Variants in EYS observed in about 807,000 individuals in gnomAD.
EYS encodes protein eyes shut homolog.
In EYS, 250 loss-of-function variants were observed where a neutral mutation model predicts 282.1. The ratio of observed to expected loss-of-function variants is 0.89; its 90% CI spans 0.80 to 0.98. The LOEUF (loss-of-function observed/expected upper bound fraction) is 0.98. Ranked by LOEUF, EYS falls within the 50% of genes least tolerant of loss-of-function variation. EYS has a pLI of 0.00. For synonymous variants in EYS, 1,355 were observed against 1,282.9 expected (o/e 1.06, Z -1.20); for missense variants, 4,016 against 3,709.0 (o/e 1.08, Z -2.15).
At position 65,557,309 on chromosome 6, in the gene EYS, G is replaced by A. The variant is rs921892956; in HGVS notation, c.-332-61316C>T. On this transcript the variant is annotated intron_variant, in intron 2 of 42. Transcript: ENST00000503581. ...CCAGGTGCAGAGTGGTGAGGAGTGT[G>A]TGCGTGAAAGAGTGCAGGGTCCAGC... 4.6e-5 allele frequency among the ~76,000 whole-genome samples: 7 copies of A among 152,314 alleles called. No individual in the cohort carries two copies. The East Asian group carries it at 7.7e-4, about 17-fold the overall frequency.
intron 2 of EYS, among the ~76,000 whole-genome samples, chr6:65,628,714 G>A (rs980793502): frequency 6.6e-6 from 1 of 151,352 alleles, no homozygotes; most frequent in Non-Finnish European, 1.5e-5. Context: ...GCAAGACCAC[G>A]AACCCACCAG....
At chr6:64,825,919 AT>A (rs1353314468) in intron 19 of EYS, among the ~76,000 whole-genome samples, 22 of 151,714 alleles carry the variant, frequency 1.5e-4, no homozygotes, top group African/African-American at 5.1e-4. Context: ...ATATATATAT[AT>A]ATAAATACAT....
chr6:65,397,234 TTTTG>T (rs1213608361), intron 7 of EYS, among the ~76,000 whole-genome samples: 1 of 151,910 alleles, frequency 6.6e-6, no homozygotes, highest in African/African-American at 2.4e-5. Flanking sequence ...AAGTGCAGTT[TTTTG>T]TTTGTTTGCT....
intron 5 of EYS, among the ~76,000 whole-genome samples, chr6:65,472,534 T>A (rs539042236): frequency 6.6e-6 from 1 of 152,030 alleles, no homozygotes; most frequent in African/African-American, 2.4e-5. Context: ...CCTGAACAAC[T>A]CTTCATTATG....
chr6:64,169,696 A>G (rs894803285), intron 31 of EYS, among the ~76,000 whole-genome samples: 2 of 151,988 alleles, frequency 1.3e-5, no homozygotes, highest in Admixed American at 1.3e-4. Flanking sequence ...CCTCTTTCTC[A>G]TGTCCTGCTT....
At chr6:65,101,206 G>A (rs1264329780) in intron 12 of EYS, among the ~76,000 whole-genome samples, 3 of 151,114 alleles carry the variant, frequency 2.0e-5, no homozygotes, top group African/African-American at 7.3e-5. Flanking sequence ...AACCGTTCAA[G>A]TAAGCCTTAG....
At chr6:63,753,095 C>G (rs1769380131) in intron 41 of EYS, among the ~76,000 whole-genome samples, 1 of 145,352 alleles carries the variant, frequency 6.9e-6, no homozygotes, top group Non-Finnish European at 1.5e-5. Flanking sequence ...CTTTTTCTGT[C>G]AGTATCTTGG....
Position 65,700,126 on chromosome 6 carries a change from A to C in EYS, c.-448+7009T>G. On this transcript the variant is annotated intron_variant, in intron 1 of 42. Coordinates refer to ENST00000503581, the MANE Select transcript of EYS (RefSeq NM_001142800.2). ...CGAGACTCCGTCTCAAAAAAAAAAA[A>C]AAAAAAAAAAAAACTATATTAAAAC... Among the ~76,000 whole-genome samples, 2 of 150,270 alleles carry C rather than the reference A, an allele frequency of 1.3e-5. 1 individual carries two copies.
At chr6:65,677,198 A>G (rs1768648250) in intron 1 of EYS, among the ~76,000 whole-genome samples, 1 of 151,536 alleles carries the variant, frequency 6.6e-6, no homozygotes, top group South Asian at 2.1e-4. Flanking sequence ...TATTCAACAT[A>G]GTACCAGAAG....
chr6:64,229,931 C>T (rs1203438983), intron 31 of EYS, among the ~76,000 whole-genome samples: 1 of 152,196 alleles, frequency 6.6e-6, no homozygotes, highest in Non-Finnish European at 1.5e-5. Flanking sequence ...GTTGTATAGA[C>T]ACAATGACAC....
At position 63,720,171 on chromosome 6, in the gene EYS, A is replaced by T. The variant is rs1768318257; in HGVS notation, c.*425T>A. ...TTGTATAATTTTTATTTTTCCTTTG[A>T]TTAATAACTTGATTTTTTTCTTATT... On this transcript the variant is annotated 3_prime_UTR_variant, in exon 43 of 43. Transcript: ENST00000503581. 1 of 202,510 alleles carries T rather than the reference A, an allele frequency of 4.9e-6. No homozygotes were observed. Among genetic ancestry groups the T allele is most frequent in the African/African-American group, 2.3e-5 (1 of 43,844 alleles). 12.5% of individuals were successfully genotyped at this position (202,510 alleles called of 1,614,324 possible). A position where few individuals can be genotyped will look rare whatever the true frequency, so the allele number is the denominator to read the frequency against.
intron 2 of EYS, among the ~76,000 whole-genome samples, chr6:65,583,791 A>G (rs1469390517): frequency 4.6e-5 from 7 of 152,132 alleles, no homozygotes; most frequent in Admixed American, 2.0e-4. Context: ...AAGTGCATTT[A>G]TATTCACAGT....
At chr6:64,381,895 A>G (rs1772758629) in intron 29 of EYS, among the ~76,000 whole-genome samples, 1 of 152,216 alleles carries the variant, frequency 6.6e-6, no homozygotes, top group South Asian at 2.1e-4. Context: ...TCTTAAAAGA[A>G]TACAGATGGT....
chr6:64,066,216 T>C, intron 33 of EYS, 122 bp downstream of exon 33: 1 of 780,958 alleles, frequency 1.3e-6, no homozygotes. Context: ...AGGCGGAGGT[T>C]GTAGTGAGCT....
intron 29 of EYS, among the ~76,000 whole-genome samples, chr6:64,383,260 C>G (rs1379532880): frequency 1.3e-5 from 2 of 152,122 alleles, no homozygotes; most frequent in African/African-American, 4.8e-5. Flanking sequence ...AAGATTGCAC[C>G]AGTGCACTTC....
chr6:63,989,131 T>C (rs1767498107), intron 34 of EYS, among the ~76,000 whole-genome samples: 1 of 151,652 alleles, frequency 6.6e-6, no homozygotes, highest in South Asian at 2.1e-4. Flanking sequence ...TGATTATAAA[T>C]ATACTTTTCG....
intron 24 of EYS, among the ~76,000 whole-genome samples, chr6:64,610,704 A>C (rs1767087324): frequency 6.6e-6 from 1 of 152,302 alleles, no homozygotes; most frequent in Admixed American, 6.5e-5. Flanking sequence ...GCAACAAGCA[A>C]GTTGTAAGAC....
intron 22 of EYS, among the ~76,000 whole-genome samples, chr6:64,798,607 G>GTTTTTTTTTTTTT (rs57597318): frequency 4.7e-5 from 5 of 106,818 alleles, no homozygotes; most frequent in Non-Finnish European, 7.4e-5. Context: ...TTTGTTTCTG[G>GTTTTTTTTTTTTT]TTTTTTTTTT....
rs116712591 is a variant in EYS, at chr6:63,933,170, A to G, written c.7055+51213T>C. The stretch of plus-strand genomic sequence containing the variant: ...CCAGGCACCTACACAAGTGAGCTCA[A>G]TGATCTGGAAGCCCTCTGAATCCTG... On this transcript the variant is annotated intron_variant, in intron 35 of 42. Coordinates refer to ENST00000503581, the MANE Select transcript of EYS (RefSeq NM_001142800.2). 9.1e-3 allele frequency among the ~76,000 whole-genome samples: 1,391 copies of G among 152,236 alleles called. 7 individuals are homozygous for G. The highest frequency in any genetic ancestry group is 0.014 in the Non-Finnish European group (931 of 67,988).
Sources: gnomAD v4.1 joint callset for allele counts (sites outside exome capture counted in the v4.1 genomes callset) on GRCh38, gnomAD v4.1.1 for gene constraint, MANE v1.5 for transcripts, NCBI Gene and HGNC (gene_info 2026-07-23, HGNC 2026-07-21) for gene names.